Variants in LHFPL3 observed in about 807,000 individuals in gnomAD.
The protein encoded by LHFPL3 is LHFPL tetraspan subfamily member 3, also known as LHFPL tetraspan subfamily member 3 protein.
Under a neutral mutation model 19.3 loss-of-function variants are expected in LHFPL3, and 5 were observed. That is an observed-to-expected ratio of 0.26 (90% CI 0.14 to 0.54). The LOEUF (loss-of-function observed/expected upper bound fraction) is 0.54. LHFPL3 is among the 20% of genes least tolerant of loss of function. The pLI is 0.94. For missense variants in LHFPL3, 249 were observed against 307.4 expected, an observed-to-expected ratio of 0.81 and a Z score of 1.42; for synonymous variants, 133 against 126.2, an observed-to-expected ratio of 1.05 and a Z score of -0.36.
chr7:104,639,386 G>C (rs1791788534), intron 1 of LHFPL3, among the ~76,000 whole-genome samples: 1 of 152,136 alleles, frequency 6.6e-6, no homozygotes, highest in Non-Finnish European at 1.5e-5. Context: ...AGCAGTCTCT[G>C]ATTGTTATTT....
At chr7:104,664,759 A>C (rs1326274473) in intron 1 of LHFPL3, among the ~76,000 whole-genome samples, 1 of 152,212 alleles carries the variant, frequency 6.6e-6, no homozygotes, top group African/African-American at 2.4e-5. Context: ...TGACATGAGA[A>C]GAAAGGATAG....
intron 2 of LHFPL3, among the ~76,000 whole-genome samples, chr7:104,808,995 A>C (rs1470294866): frequency 6.7e-6 from 1 of 148,468 alleles, no homozygotes; most frequent in Non-Finnish European, 1.5e-5. Context: ...TCCTGGGTTT[A>C]AGCAATTCTC....
chr7:104,519,979 G>T (rs976202544), intron 1 of LHFPL3, among the ~76,000 whole-genome samples: 1 of 152,020 alleles, frequency 6.6e-6, no homozygotes, highest in Admixed American at 6.6e-5. Context: ...TCAACACACC[G>T]AGAAAAGAAA....
intron 2 of LHFPL3, among the ~76,000 whole-genome samples, chr7:104,845,830 T>C (rs2116602200): frequency 6.6e-6 from 1 of 152,372 alleles, no homozygotes; most frequent in Non-Finnish European, 1.5e-5. Context: ...CCTTGTCCTT[T>C]GCTATGCAGT....
chr7:104,573,431 A>G (rs151092964), intron 1 of LHFPL3, among the ~76,000 whole-genome samples: 49 of 152,046 alleles, frequency 3.2e-4, no homozygotes, highest in African/African-American at 1.2e-3. Context: ...AAAAGAAAGT[A>G]AGAAAGAAAA....
intron 1 of LHFPL3, among the ~76,000 whole-genome samples, chr7:104,485,570 T>C (rs977865842): frequency 5.3e-5 from 8 of 152,222 alleles, no homozygotes; most frequent in African/African-American, 1.9e-4. Flanking sequence ...GGAATATTTC[T>C]TTTGTATTTT....
chr7:104,484,585 C>T (rs1584352116), intron 1 of LHFPL3, among the ~76,000 whole-genome samples: 1 of 152,256 alleles, frequency 6.6e-6, no homozygotes, highest in East Asian at 1.9e-4. Context: ...AAGTACCTCA[C>T]ACAGAGCAGG....
intron 1 of LHFPL3, among the ~76,000 whole-genome samples, chr7:104,423,456 T>A (rs28611054): frequency 1.3e-5 from 2 of 151,802 alleles, no homozygotes; most frequent in South Asian, 2.1e-4. Context: ...CTAGAAAAAT[T>A]AAAAAAAATT....
Position 104,362,671 on chromosome 7 carries a change from A to G in LHFPL3, c.445+33447A>G, listed in dbSNP as rs189768844. Among the ~76,000 whole-genome samples, 7 of 152,332 alleles carry G rather than the reference A, an allele frequency of 4.6e-5. No individual in the cohort carries two copies. The East Asian group carries it at 9.7e-4, about 21-fold the overall frequency. Reference sequence around the variant, plus strand: ...GAGAGGGGAATTGCAACAGAGAAAGAGTTTAATACTGTACACCCAGCTAAA... The same window carrying G: ...GAGAGGGGAATTGCAACAGAGAAAGGGTTTAATACTGTACACCCAGCTAAA... On this transcript the variant is annotated intron_variant, in intron 1 of 2. Transcript: ENST00000424859.
At chr7:104,751,070 T>C (rs1223474066) in intron 2 of LHFPL3, among the ~76,000 whole-genome samples, 1 of 135,048 alleles carries the variant, frequency 7.4e-6, no homozygotes, top group Non-Finnish European at 1.6e-5. Context: ...TTCTAACTTG[T>C]CCTCCTAAAA....
chr7:104,329,204 C>T lies in LHFPL3; in HGVS notation c.425C>T (p.Ala142Val). Reference sequence around the variant, plus strand: ...ACGGCCACTGTGTACAAGATATGTGCCTGGATGCAGCTCACCTCCGGTGAG... The same window carrying T: ...ACGGCCACTGTGTACAAGATATGTGTCTGGATGCAGCTCACCTCCGGTGAG... ...CNTATVYKIC[A>V]WMQLTSAACL... The change falls in exon 1 of 3, where the codon GCC becomes GTC. Residue 142 changes from alanine (A) to valine (V), a missense_variant. By Grantham distance (64) the Ala-to-Val change is moderately conservative (BLOSUM62 0). Coordinates refer to ENST00000424859, the MANE Select transcript of LHFPL3 (RefSeq NM_199000.3). 2.5e-6 allele frequency: 4 copies of T among 1,608,804 alleles called. No individual in the cohort carries two copies. The highest frequency in any genetic ancestry group is 3.4e-6 in the Non-Finnish European group (4 of 1,175,914).
chr7:104,635,758 G>C (rs1175311889), intron 1 of LHFPL3, among the ~76,000 whole-genome samples: 1 of 152,126 alleles, frequency 6.6e-6, no homozygotes, highest in East Asian at 1.9e-4. Context: ...GAGGCAAAGA[G>C]ATCTTCCAGT....
intron 1 of LHFPL3, among the ~76,000 whole-genome samples, chr7:104,375,088 C>T (rs941898493): frequency 2.0e-5 from 3 of 152,130 alleles, no homozygotes; most frequent in African/African-American, 7.2e-5. Context: ...CCTGTAATCC[C>T]AACACTTTGG....
At chr7:104,735,132 G>A (rs1793783407) in intron 1 of LHFPL3, among the ~76,000 whole-genome samples, 3 of 152,218 alleles carry the variant, frequency 2.0e-5, no homozygotes, top group Admixed American at 2.0e-4. Context: ...GCCCCTACTA[G>A]GGGTGCCTCC....
At chr7:104,670,868 T>TTG (rs1250678627) in intron 1 of LHFPL3, among the ~76,000 whole-genome samples, 4 of 150,036 alleles carry the variant, frequency 2.7e-5, no homozygotes, top group Admixed American at 6.7e-5. Context: ...TTTGTTTTGT[T>TTG]TTTTTTTTTT....
chr7:104,363,039 G>C (rs1349744312), intron 1 of LHFPL3, among the ~76,000 whole-genome samples: 1 of 152,206 alleles, frequency 6.6e-6, no homozygotes, highest in East Asian at 1.9e-4. Flanking sequence ...GTAGCCTCTG[G>C]CTGCATTACT....
At chr7:104,757,976 G>A (rs1562984558) in intron 2 of LHFPL3, among the ~76,000 whole-genome samples, 2 of 152,124 alleles carry the variant, frequency 1.3e-5, no homozygotes, top group Non-Finnish European at 2.9e-5. Context: ...CAGTGAATTG[G>A]ATAAAGAAAA....
At chr7:104,763,242 C>T (rs533809346) in intron 2 of LHFPL3, among the ~76,000 whole-genome samples, 5 of 152,292 alleles carry the variant, frequency 3.3e-5, no homozygotes, top group East Asian at 3.9e-4. Context: ...TCCCAACCTT[C>T]GCCAGACCTT....
chr7:104,819,216 CTAA>C (rs1269644726), intron 2 of LHFPL3, among the ~76,000 whole-genome samples: 1 of 152,044 alleles, frequency 6.6e-6, no homozygotes, highest in East Asian at 1.9e-4. Context: ...GCTTGCATTT[CTAA>C]TAATAATTCT....
Sources: gnomAD v4.1 joint callset for allele counts (sites outside exome capture counted in the v4.1 genomes callset) on GRCh38, gnomAD v4.1.1 for gene constraint, MANE v1.5 for transcripts, NCBI Gene and HGNC (gene_info 2026-07-23, HGNC 2026-07-21) for gene names.